PDE4D: variants seen among roughly 807,000 people sequenced by gnomAD.
The protein encoded by PDE4D is 3',5'-cyclic-AMP phosphodiesterase 4D.
Under a neutral mutation model 87.4 loss-of-function variants are expected in PDE4D, and 24 were observed. The observed-to-expected ratio is 0.27, with a 90% confidence interval of 0.20 to 0.39. The LOEUF (loss-of-function observed/expected upper bound fraction) is 0.39. Ranked by LOEUF, PDE4D falls within the 10% of genes least tolerant of loss-of-function variation. PDE4D has a pLI of 1.00. For missense variants in PDE4D, 714 were observed against 1,041.0 expected (o/e 0.69, Z 4.32); for synonymous variants, 384 against 383.2 (o/e 1.00, Z -0.02).
At chr5:59,590,153 C>T (rs569841161) in intron 1 of PDE4D, among the ~76,000 whole-genome samples, 3 of 152,094 alleles carry the variant, frequency 2.0e-5, no homozygotes, top group African/African-American at 7.2e-5. Flanking sequence ...CATTTTATTC[C>T]ATTTATATTA....
intron 2 of PDE4D, among the ~76,000 whole-genome samples, chr5:60,032,207 G>C (rs1188425648): frequency 2.0e-5 from 3 of 152,114 alleles, no homozygotes; most frequent in African/African-American, 7.2e-5. Context: ...TGATAACCAT[G>C]ATGAAGATAG....
rs533891305 is a variant in PDE4D at position 59,931,762 on chromosome 5, T to C, written c.272+56726A>G. Among the ~76,000 whole-genome samples the C allele has an allele frequency of 1.7e-4, 25 of 144,486 alleles. No homozygotes were observed. The South Asian group carries it at 2.2e-3, about 13-fold the overall frequency. 94.8% of individuals were successfully genotyped at this position (144,486 alleles called of 152,430 possible). A position where few individuals can be genotyped will look rare whatever the true frequency, so the allele number is the denominator to read the frequency against. On this transcript the variant is annotated intron_variant, in intron 3 of 16. Coordinates refer to the PDE4D transcript ENST00000502484. ...TGTCGCCCAGGCTGGAGTGCAGTGG[T>C]GCAATCTCAGCTCACTGCAAGCTCC...
intron 6 of PDE4D, among the ~76,000 whole-genome samples, chr5:59,024,046 C>T (rs1487092201): frequency 6.6e-6 from 1 of 150,916 alleles, no homozygotes; most frequent in Non-Finnish European, 1.5e-5. Flanking sequence ...AGATAACAGA[C>T]ATGCACCACC....
intron 1 of PDE4D, among the ~76,000 whole-genome samples, chr5:60,369,795 G>A (rs1028513449): frequency 1.3e-5 from 2 of 152,008 alleles, no homozygotes; most frequent in Non-Finnish European, 2.9e-5. Flanking sequence ...GGGTCTGCAG[G>A]AACAAAGCTC....
chr5:60,121,949 T>C (rs922425179), intron 2 of PDE4D, among the ~76,000 whole-genome samples: 3 of 152,158 alleles, frequency 2.0e-5, no homozygotes, highest in Admixed American at 6.5e-5. Flanking sequence ...AATGCAGCCA[T>C]TCCAAATGGG....
chr5:59,883,854 C>A (rs1188836945), intron 1 of PDE4D, among the ~76,000 whole-genome samples: 1 of 152,102 alleles, frequency 6.6e-6, no homozygotes, highest in Non-Finnish European at 1.5e-5. Flanking sequence ...TATTTTCATG[C>A]CATTTTCTCT....
intron 1 of PDE4D, among the ~76,000 whole-genome samples, chr5:59,620,791 T>C (rs1485807978): frequency 1.3e-5 from 2 of 152,168 alleles, no homozygotes; most frequent in Non-Finnish European, 2.9e-5. Flanking sequence ...TCACTCAAGG[T>C]CATGAATTGT....
upstream of PDE4D, among the ~76,000 whole-genome samples, chr5:59,896,437 A>C (rs911692639): frequency 1.3e-5 from 2 of 152,158 alleles, no homozygotes; most frequent in African/African-American, 4.8e-5. Context: ...AATCACCAGG[A>C]GAGCTAATCC....
intron 1 of PDE4D, among the ~76,000 whole-genome samples, chr5:59,419,828 T>C (rs1794190761): frequency 6.6e-6 from 1 of 152,204 alleles, no homozygotes; most frequent in African/African-American, 2.4e-5. Flanking sequence ...AGTCATCTCT[T>C]AGATTATGTG....
chr5:59,665,295 G>C (rs970058787), intron 1 of PDE4D, among the ~76,000 whole-genome samples: 6 of 152,196 alleles, frequency 3.9e-5, no homozygotes, highest in Non-Finnish European at 7.3e-5. Flanking sequence ...TAGCATAGTT[G>C]CTGGAGTAAG....
chr5:59,521,820 G>A (rs1184647924), intron 1 of PDE4D, among the ~76,000 whole-genome samples: 1 of 152,064 alleles, frequency 6.6e-6, no homozygotes, highest in East Asian at 1.9e-4. Flanking sequence ...TGATACACTT[G>A]TAATTCTAGA....
At chr5:60,441,258 A>G (rs563126521) in intron 1 of PDE4D, among the ~76,000 whole-genome samples, 34 of 152,288 alleles carry the variant, frequency 2.2e-4, no homozygotes, top group African/African-American at 7.9e-4. Context: ...CCAATGGAAC[A>G]GAACAGAGGC....
chr5:59,464,329 T>C (rs920592010), intron 1 of PDE4D, among the ~76,000 whole-genome samples: 2 of 152,212 alleles, frequency 1.3e-5, no homozygotes, highest in African/African-American at 4.8e-5. Context: ...TAAAACCCGA[T>C]TGTACGTTCC....
intron 1 of PDE4D, among the ~76,000 whole-genome samples, chr5:59,322,671 G>A (rs962466405): frequency 6.6e-6 from 1 of 152,058 alleles, no homozygotes; most frequent in Non-Finnish European, 1.5e-5. Flanking sequence ...GTGATATTGG[G>A]TTTAGTCACA....
chr5:60,375,830 A>G (rs1447631797), intron 1 of PDE4D, among the ~76,000 whole-genome samples: 1 of 152,180 alleles, frequency 6.6e-6, no homozygotes, highest in Admixed American at 6.5e-5. Context: ...CATGAGGTCA[A>G]GAGATTGAGA....
At chr5:60,506,728 G>A (rs778788160) in intron 1 of PDE4D, among the ~76,000 whole-genome samples, 1 of 152,172 alleles carries the variant, frequency 6.6e-6, no homozygotes, top group Admixed American at 6.5e-5. Flanking sequence ...TTGAATTAAC[G>A]TGAAATAACT....
At chr5:60,239,963 A>G (rs1300539225) in intron 1 of PDE4D, among the ~76,000 whole-genome samples, 1 of 152,090 alleles carries the variant, frequency 6.6e-6, no homozygotes, top group African/African-American at 2.4e-5. Flanking sequence ...ATTAAACATA[A>G]GCAGAACCCG....
intron 1 of PDE4D, among the ~76,000 whole-genome samples, chr5:59,612,349 T>C (rs1829123014): frequency 6.6e-6 from 1 of 152,090 alleles, no homozygotes. Context: ...AGTTGGATTA[T>C]CGTATTTGAA....
At chr5:59,119,002 G>T (rs1284822694) in intron 5 of PDE4D, among the ~76,000 whole-genome samples, 2 of 152,030 alleles carry the variant, frequency 1.3e-5, no homozygotes, top group Non-Finnish European at 2.9e-5. Flanking sequence ...TTTAAGAAAA[G>T]ATATAAAAGT....
Sources: gnomAD v4.1 joint callset for allele counts (sites outside exome capture counted in the v4.1 genomes callset) on GRCh38, gnomAD v4.1.1 for gene constraint, MANE v1.5 for transcripts, NCBI Gene and HGNC (gene_info 2026-07-23, HGNC 2026-07-21) for gene names.